SNX29: variants seen among roughly 807,000 people sequenced by gnomAD.
The protein encoded by SNX29 is sorting nexin 29.
In SNX29, 78 loss-of-function variants were observed where a neutral mutation model predicts 102.1. The observed-to-expected ratio is 0.76, with a 90% CI of 0.64 to 0.92. The LOEUF (loss-of-function observed/expected upper bound fraction) is 0.92, where lower values mean the gene tolerates loss of function less well. Ranked by LOEUF, SNX29 falls within the 40% of genes least tolerant of loss-of-function variation. The pLI is 0.00. For synonymous variants in SNX29, 580 were observed against 414.5 expected, an observed-to-expected ratio of 1.40 and a Z score of -4.85; for missense variants, 1,280 against 1,061.7, an observed-to-expected ratio of 1.21 and a Z score of -2.86.
At chr16:12,491,140 T>C (rs2088525303) in intron 19 of SNX29, among the ~76,000 whole-genome samples, 1 of 152,284 alleles carries the variant, frequency 6.6e-6, no homozygotes, top group Admixed American at 6.5e-5. Context: ...ATGGTGTGAC[T>C]ACTCAGTGTT....
chr16:12,249,325 G>A (rs1413598380), intron 14 of SNX29, among the ~76,000 whole-genome samples: 3 of 152,182 alleles, frequency 2.0e-5, no homozygotes, highest in Non-Finnish European at 4.4e-5. Context: ...TGGCTGGCTT[G>A]GGCTTATTCA....
At chr16:12,015,756 C>CGATCTCCTGACCTCGT (rs1222288380) in intron 3 of SNX29, among the ~76,000 whole-genome samples, 2 of 139,064 alleles carry the variant, frequency 1.4e-5, no homozygotes, top group Non-Finnish European at 3.1e-5. Flanking sequence ...AGGATGGTCT[C>CGATCTCCTGACCTCGT]GATCTCCTGA....
intron 19 of SNX29, among the ~76,000 whole-genome samples, chr16:12,487,579 C>T (rs2088310971): frequency 6.6e-6 from 1 of 152,150 alleles, no homozygotes; most frequent in African/African-American, 2.4e-5. Flanking sequence ...GTGGAGAAGC[C>T]AGCCGCACAC....
At chr16:12,552,731 T>C (rs936335044) in intron 20 of SNX29, among the ~76,000 whole-genome samples, 1 of 152,236 alleles carries the variant, frequency 6.6e-6, no homozygotes, top group Non-Finnish European at 1.5e-5. Flanking sequence ...AGAGACATGG[T>C]ATCTCCAGTG....
intron 20 of SNX29, among the ~76,000 whole-genome samples, chr16:12,537,215 A>G (rs562772052): frequency 1.3e-5 from 2 of 152,136 alleles, no homozygotes; most frequent in African/African-American, 4.8e-5. Flanking sequence ...GAGCTTAGAG[A>G]CCAGACTGCA....
chr16:12,513,786 A>T (rs1330088174), intron 19 of SNX29, among the ~76,000 whole-genome samples: 1 of 152,252 alleles, frequency 6.6e-6, no homozygotes, highest in Non-Finnish European at 1.5e-5. Flanking sequence ...AACAGCGCCC[A>T]GTCAGCAGCT....
chr16:12,019,479 A>G (rs1296212772), intron 3 of SNX29, among the ~76,000 whole-genome samples: 2 of 151,924 alleles, frequency 1.3e-5, no homozygotes, highest in African/African-American at 4.8e-5. Flanking sequence ...TGCTGGGATT[A>G]CAAGAGTGAG....
chr16:12,468,704 G>A (rs553650945), intron 18 of SNX29, among the ~76,000 whole-genome samples: 3 of 152,320 alleles, frequency 2.0e-5, no homozygotes, highest in South Asian at 2.1e-4. Flanking sequence ...GGCCCAGCCC[G>A]GAGCTTGGTA....
At chr16:12,048,022 G>C (rs1243823441) in intron 6 of SNX29, among the ~76,000 whole-genome samples, 2 of 152,050 alleles carry the variant, frequency 1.3e-5, no homozygotes, top group Admixed American at 1.3e-4. Context: ...CCTGATCCCG[G>C]AACTTGTGCC....
intron 18 of SNX29, among the ~76,000 whole-genome samples, chr16:12,428,898 A>G (rs973306220): frequency 6.6e-6 from 1 of 152,236 alleles, no homozygotes; most frequent in Non-Finnish European, 1.5e-5. Flanking sequence ...TGCAATTAAT[A>G]TCTCCTAGTT....
chr16:12,167,802 C>T (rs766340860), intron 13 of SNX29, among the ~76,000 whole-genome samples: 76 of 152,306 alleles, frequency 5.0e-4, no homozygotes, highest in Non-Finnish European at 1.0e-3. Context: ...GGTTGGCAAA[C>T]TGTCACCTGC....
At chr16:12,350,073 C>T (rs2081951610) in intron 15 of SNX29, among the ~76,000 whole-genome samples, 1 of 152,208 alleles carries the variant, frequency 6.6e-6, no homozygotes, top group Non-Finnish European at 1.5e-5. Context: ...CACACCCACA[C>T]CAGTTTGTGG....
intron 19 of SNX29, among the ~76,000 whole-genome samples, chr16:12,480,611 A>T (rs1284502455): frequency 6.6e-6 from 1 of 152,190 alleles, no homozygotes; most frequent in Non-Finnish European, 1.5e-5. Context: ...TATTGCGCCC[A>T]CCACATGTTA....
chr16:12,522,845 C>A lies in SNX29; in HGVS notation c.2179-1857C>A, dbSNP rs908155318. ...ATGGACTAATATAGTCAGGGTCTAA[C>A]TGTCTCCCAGGGTGGAATGCGGTGG... On this transcript the variant is annotated intron_variant, in intron 19 of 20. Transcript: ENST00000566228. 2.6e-5 allele frequency among the ~76,000 whole-genome samples: 4 copies of A among 152,200 alleles called. 1 individual carries two copies. Among genetic ancestry groups the A allele is most frequent in the Admixed American group, 2.6e-4 (4 of 15,288 alleles).
At chr16:12,398,316 C>T in intron 16 of SNX29, 130 bp from the exon 17 acceptor site, 1 of 993,392 alleles carries the variant, frequency 1.0e-6, no homozygotes, top group Non-Finnish European at 1.6e-6. Context: ...TTTCCAGTGA[C>T]TGCTTTTTCA....
chr16:12,045,786 G>A (rs1335818114), intron 5 of SNX29, among the ~76,000 whole-genome samples: 1 of 151,916 alleles, frequency 6.6e-6, no homozygotes. Flanking sequence ...ACCATGCCTG[G>A]CTAATTTTTT....
chr16:12,000,096 C>T (rs563398156), intron 2 of SNX29, among the ~76,000 whole-genome samples: 33 of 152,150 alleles, frequency 2.2e-4, no homozygotes, highest in African/African-American at 3.4e-4. Flanking sequence ...GCTGTGTGGA[C>T]GCTCCAGGTA....
chr16:12,539,961 G>A (rs754520374), intron 20 of SNX29, among the ~76,000 whole-genome samples: 1 of 152,192 alleles, frequency 6.6e-6, no homozygotes, highest in African/African-American at 2.4e-5. Flanking sequence ...TCGAACATGT[G>A]AGTTGCACAT....
chr16:12,472,529 C>CAAAAAAAAA (rs60223249), intron 18 of SNX29, among the ~76,000 whole-genome samples: 1 of 72,938 alleles, frequency 1.4e-5, no homozygotes, highest in Non-Finnish European at 3.3e-5. Flanking sequence ...AAAAAAAAAC[C>CAAAAAAAAA]AAAAAAAAAA....
Sources: gnomAD v4.1 joint callset for allele counts (sites outside exome capture counted in the v4.1 genomes callset) on GRCh38, gnomAD v4.1.1 for gene constraint, MANE v1.5 for transcripts, NCBI Gene and HGNC (gene_info 2026-07-23, HGNC 2026-07-21) for gene names.